Variants in RGS6 observed in about 807,000 individuals in gnomAD.
The protein encoded by RGS6 is regulator of G protein signaling 6, also known as regulator of G-protein signaling 6.
RGS6 carries 30 observed loss-of-function variants against 78.5 expected under a neutral mutation model. The observed-to-expected ratio is 0.38, with a 90% CI of 0.29 to 0.52. The LOEUF is 0.52. Among genes scored for constraint, RGS6 ranks in the 20% least tolerant of loss-of-function variants. RGS6 has a pLI of 0.85. For missense variants in RGS6, 495 were observed against 609.7 expected (o/e 0.81, Z 1.98); for synonymous variants, 206 against 206.0 (o/e 1.00, Z 0.00).
chr14:72,499,098 G>A (rs2096683811), intron 13 of RGS6, among the ~76,000 whole-genome samples: 1 of 152,108 alleles, frequency 6.6e-6, no homozygotes, highest in Non-Finnish European at 1.5e-5. Context: ...AGTTTCTGAT[G>A]TCTTTCTATT....
intron 3 of RGS6, among the ~76,000 whole-genome samples, chr14:72,387,418 G>A (rs1422623055): frequency 3.3e-5 from 5 of 152,100 alleles, no homozygotes; most frequent in East Asian, 3.9e-4. Flanking sequence ...GTATGGTGGC[G>A]GGCGCCTGTA....
At chr14:72,391,605 A>G (rs1424735375) in intron 3 of RGS6, among the ~76,000 whole-genome samples, 2 of 152,166 alleles carry the variant, frequency 1.3e-5, no homozygotes, top group African/African-American at 2.4e-5. Flanking sequence ...ACATATATGT[A>G]TATACACACA....
chr14:72,440,877 T>A (rs1160782499), intron 3 of RGS6, among the ~76,000 whole-genome samples: 3 of 151,854 alleles, frequency 2.0e-5, no homozygotes, highest in Non-Finnish European at 4.4e-5. Context: ...TATGTGAGGG[T>A]TGTGTGTCTT....
intron 15 of RGS6, among the ~76,000 whole-genome samples, chr14:72,526,246 G>T (rs2097116472): frequency 6.7e-6 from 1 of 150,176 alleles, no homozygotes; most frequent in South Asian, 2.1e-4. Flanking sequence ...TGGGACTACA[G>T]GTACCTGCCA....
chr14:72,379,747 C>A lies in RGS6; in HGVS notation c.184+27553C>A, dbSNP rs1409279863. Among the ~76,000 whole-genome samples, 7 of 151,894 alleles carry A rather than the reference C, an allele frequency of 4.6e-5. No individual in the cohort carries two copies. The East Asian group carries it at 1.3e-3, about 29-fold the overall frequency. On this transcript the variant is annotated intron_variant, in intron 3 of 17. Coordinates refer to ENST00000553525, the MANE Select transcript of RGS6 (RefSeq NM_001204424.2). Reference sequence around the variant, plus strand: ...AACATTGTTAAAATGACCATACTACCCAAAACAAACTATGGATTCAATGCA... The same window carrying A: ...AACATTGTTAAAATGACCATACTACACAAAACAAACTATGGATTCAATGCA...
At chr14:72,226,245 C>T (rs186142226) in intron 2 of RGS6, among the ~76,000 whole-genome samples, 120 of 152,198 alleles carry the variant, frequency 7.9e-4, no homozygotes, top group Middle Eastern at 6.8e-3. Flanking sequence ...TTTAGCAGTT[C>T]CTAAAGCAAG....
chr14:72,315,392 C>G (rs747293324), intron 2 of RGS6, among the ~76,000 whole-genome samples: 2 of 152,088 alleles, frequency 1.3e-5, no homozygotes, highest in Non-Finnish European at 2.9e-5. Flanking sequence ...TTAAATGCTC[C>G]GGGCAGTAAA....
intron 3 of RGS6, among the ~76,000 whole-genome samples, chr14:72,363,753 G>A (rs1213769976): frequency 6.6e-6 from 1 of 151,962 alleles, no homozygotes; most frequent in African/African-American, 2.4e-5. Flanking sequence ...AAAGTTGGAG[G>A]CCTCTATTAC....
chr14:72,017,283 A>G (rs1482925927), intron 2 of RGS6, among the ~76,000 whole-genome samples: 8 of 152,178 alleles, frequency 5.3e-5, no homozygotes, highest in African/African-American at 1.7e-4. Flanking sequence ...TTGCTGGTGT[A>G]TAGGAATGTT....
intron 3 of RGS6, among the ~76,000 whole-genome samples, chr14:72,427,704 A>G (rs1002880527): frequency 6.6e-6 from 1 of 152,108 alleles, no homozygotes; most frequent in African/African-American, 2.4e-5. Flanking sequence ...CTCCACCCCA[A>G]ACCTGCCATT....
At chr14:72,550,691 T>A in intron 17 of RGS6, 4 of 1,430,408 alleles carry the variant, frequency 2.8e-6, no homozygotes, top group Non-Finnish European at 3.7e-6. Flanking sequence ...CCTTTGTGAG[T>A]CATCACAATC....
In RGS6 at chr14:72,091,164, A is replaced by G. The variant is rs17106991; in HGVS notation, c.84+126289A>G. On this transcript the variant is annotated intron_variant, in intron 2 of 17. Coordinates refer to ENST00000553525, the MANE Select transcript of RGS6 (RefSeq NM_001204424.2). The stretch of plus-strand genomic sequence containing the variant: ...TCCACAGATCTGCAGTGCCCTTGCC[A>G]TAGCTCCAACTCCTGGCCTTCTCCC... Among the ~76,000 whole-genome samples, 1,180 of 152,164 alleles carry G rather than the reference A, an allele frequency of 7.8e-3. 48 individuals are homozygous for G. The highest frequency in any genetic ancestry group is 0.068 in the Admixed American group (1,039 of 15,284).
At chr14:71,984,265 GC>G (rs2153145845) in intron 2 of RGS6, among the ~76,000 whole-genome samples, 1 of 144,562 alleles carries the variant, frequency 6.9e-6, no homozygotes, top group Non-Finnish European at 1.5e-5. Flanking sequence ...GTATTCTAAA[GC>G]CTGTGGTTTT....
At chr14:72,331,291 T>C (rs1219278278) in intron 2 of RGS6, among the ~76,000 whole-genome samples, 1 of 152,134 alleles carries the variant, frequency 6.6e-6, no homozygotes, top group African/African-American at 2.4e-5. Flanking sequence ...TTTGAACACT[T>C]TCCTTACAGT....
Position 71,932,540 on chromosome 14 carries a change from A to G in RGS6, c.-422A>G, listed in dbSNP as rs2152922694. 6.6e-6 allele frequency: 1 copy of G among 152,124 alleles called. No individual in the cohort carries two copies. Among genetic ancestry groups the G allele is most frequent in the South Asian group, 2.1e-4 (1 of 4,832 alleles). 9.4% of individuals were successfully genotyped at this position (152,124 alleles called of 1,614,324 possible). On this transcript the variant is annotated 5_prime_UTR_variant, in exon 1 of 18. Coordinates refer to ENST00000553525, the MANE Select transcript of RGS6 (RefSeq NM_001204424.2). ...GCCGGAGCCGCCAGGCGCCGAGGGA[A>G]CGGACAGACCTCCGCGCACCCTTGC... is the stretch of plus-strand genomic sequence containing the variant.
rs1174852771 is a variant in RGS6, at chr14:71,981,257, C to G, written c.84+16382C>G. ...TTGATCGTCTGAAGCCTTCTTCTCTCAGCTCATCAAAGTCATTCTCCGTCC... is the reference window on the plus strand; with the variant it reads ...TTGATCGTCTGAAGCCTTCTTCTCTGAGCTCATCAAAGTCATTCTCCGTCC... On this transcript the variant is annotated intron_variant, in intron 2 of 17. Transcript: ENST00000553525. Among the ~76,000 whole-genome samples, 9 of 152,122 alleles carry G rather than the reference C, an allele frequency of 5.9e-5. No homozygotes were observed. In the East Asian group the frequency reaches 1.7e-3, roughly 29 times the overall value.
intron 2 of RGS6, among the ~76,000 whole-genome samples, chr14:72,163,740 AG>A (rs1370258532): frequency 6.6e-6 from 1 of 152,050 alleles, no homozygotes; most frequent in Non-Finnish European, 1.5e-5. Flanking sequence ...AAAATTAGCC[AG>A]GTGTGGTGGC....
intron 2 of RGS6, among the ~76,000 whole-genome samples, chr14:72,090,350 G>A (rs2095225616): frequency 6.6e-6 from 1 of 152,136 alleles, no homozygotes; most frequent in African/African-American, 2.4e-5. Flanking sequence ...CAGCAGTTGA[G>A]CGAGCGTTAC....
chr14:71,873,856 A>G, the RGS6 span, among the ~76,000 whole-genome samples: 1 of 152,242 alleles, frequency 6.6e-6, no homozygotes, highest in African/African-American at 2.4e-5. Flanking sequence ...AGCTTTCTAC[A>G]TATGGCTAGC....
Sources: gnomAD v4.1 joint callset for allele counts (sites outside exome capture counted in the v4.1 genomes callset) on GRCh38, gnomAD v4.1.1 for gene constraint, MANE v1.5 for transcripts, NCBI Gene and HGNC (gene_info 2026-07-23, HGNC 2026-07-21) for gene names.